Variants in RAB34 observed in about 807,000 individuals in gnomAD.
RAB34 encodes the protein ras-related protein Rab-34.
RAB34 carries 33 observed loss-of-function variants against 39.0 expected under a neutral mutation model. The observed-to-expected ratio is 0.85, with a 90% CI of 0.64 to 1.13. The LOEUF (loss-of-function observed/expected upper bound fraction) is 1.13, where lower values mean the gene tolerates loss of function less well. RAB34 is among the 50% of genes most tolerant of loss of function. RAB34 has a pLI of 0.00. For synonymous variants in RAB34, 135 were observed against 125.1 expected, an observed-to-expected ratio of 1.08 and a Z score of -0.53; for missense variants, 289 against 326.1, an observed-to-expected ratio of 0.89 and a Z score of 0.88.
intron 2 of RAB34, 127 bp from the exon 3 acceptor site, chr17:28,716,185 TCCCAGGCAG>T: frequency 7.4e-7 from 1 of 1,344,348 alleles, no homozygotes; most frequent in Non-Finnish European, 1.0e-6. Flanking sequence ...ACACCAGGCA[TCCCAGGCAG>T]CTGCGTGGAC....
At chr17:28,714,929 G>A (rs747425976) in intron 8 of RAB34, 29 bp from the exon 9 acceptor site, 70 of 1,603,962 alleles carry the variant, frequency 4.4e-5, no homozygotes, top group Non-Finnish European at 5.9e-5. Flanking sequence ...AGGTGCTCAG[G>A]GGCAGTGCTG....
chr17:28,716,202 G>A, intron 2 of RAB34, 144 bp from the exon 3 acceptor site: 1 of 1,119,446 alleles, frequency 8.9e-7, no homozygotes. Context: ...CAGCTGCGTG[G>A]ACAGGTGTGC....
chr17:28,715,798 A>G lies in RAB34; in HGVS notation c.314+2T>C, dbSNP rs1234638645. ...AGCTGGAAGGGGTGTGGAAGCACTC[A>G]CAGCTGCAAACTGAAGGGAATGCCC... On this transcript the variant is annotated splice_donor_variant, in intron 4 of 9. Coordinates refer to ENST00000395245, the MANE Select transcript of RAB34 (RefSeq NM_031934.6). LOFTEE classifies it high-confidence loss of function. 6.2e-7 allele frequency: 1 copy of G among 1,613,494 alleles called. No individual in the cohort carries two copies. The highest frequency in any genetic ancestry group is 8.5e-7 in the Non-Finnish European group (1 of 1,179,468).
At position 28,717,243 on chromosome 17, in the gene RAB34, C is replaced by T; in HGVS notation, c.24G>A (p.Arg8=). The change falls in exon 1 of 10, where the codon CGG becomes CGA. Residue 8 remains arginine (R), a synonymous_variant. Transcript: ENST00000395245. ...GCAGCTCCGCCAGGACGCGATCCCTCCGCACGGGTGCCAGAATGTTCATCC... is the reference window on the plus strand; with the variant it reads ...GCAGCTCCGCCAGGACGCGATCCCTTCGCACGGGTGCCAGAATGTTCATCC... MNILAPV[R]RDRVLAELPQ... The T allele has an allele frequency of 1.2e-6, 2 of 1,606,508 alleles. No individual in the cohort carries two copies. Among genetic ancestry groups the T allele is most frequent in the Non-Finnish European group, 1.7e-6 (2 of 1,178,734 alleles).
At chr17:28,715,357 T>C (rs1202443809) in intron 6 of RAB34, 81 bp from the exon 7 acceptor site, 4 of 1,584,832 alleles carry the variant, frequency 2.5e-6, no homozygotes, top group Non-Finnish European at 3.5e-6. Flanking sequence ...AATTACCCCC[T>C]CTCTGGTCCT....
chr17:28,716,813 TGAA>T, intron 2 of RAB34, 87 bp downstream of exon 2: 1 of 1,449,646 alleles, frequency 6.9e-7, no homozygotes, highest in South Asian at 1.3e-5. Flanking sequence ...GGGGCTGAAA[TGAA>T]GCCCCAAGGG....
Position 28,715,712 on chromosome 17 carries a change from G to A in RAB34, c.315-7C>T, listed in dbSNP as rs2151703725. 3.7e-6 allele frequency: 6 copies of A among 1,614,124 alleles called. No homozygotes were observed. The highest frequency in any genetic ancestry group is 5.1e-6 in the Non-Finnish European group (6 of 1,180,004). On this transcript the variant is annotated splice_region_variant and splice_polypyrimidine_tract_variant and intron_variant, in intron 4 of 9. Transcript: ENST00000395245. Reference sequence around the variant, plus strand: ...CTGCCCAGCGGTATCCCAACTGGAAGGAAGGAAGAGTGAAGCACAGGTATG... The same window carrying A: ...CTGCCCAGCGGTATCCCAACTGGAAAGAAGGAAGAGTGAAGCACAGGTATG...
upstream of RAB34, chr17:28,717,889 C>T (rs1319124066): frequency 1.5e-6 from 2 of 1,360,126 alleles, no homozygotes; most frequent in African/African-American, 1.5e-5. Context: ...CCGGAAATTC[C>T]TGGAGAAGGG....
chr17:28,718,279 C>T (rs1013494383), upstream of RAB34: 2 of 1,536,074 alleles, frequency 1.3e-6, no homozygotes, highest in Admixed American at 2.1e-5. Context: ...GAGTCTGCCC[C>T]CTCTCGCCCT....
rs141216782 is a variant in RAB34, at chr17:28,716,993, C to A, written c.56G>T (p.Cys19Phe). The A allele has an allele frequency of 1.1e-4, 176 of 1,613,294 alleles. No homozygotes were observed. The highest frequency in any genetic ancestry group is 1.7e-4 in the Middle Eastern group (1 of 5,816). ...RDRVLAELPQCLRKEAALHGH... is the reference protein window; with the variant it reads ...RDRVLAELPQFLRKEAALHGH... ...GTGCAAAGCGGCCTCCTTCCTCAGG[C>A]ACTTAGTGGGAAGGATGGAAGAGAA... The change falls in exon 2 of 10, where the codon TGC (cysteine) becomes TTC (phenylalanine). Residue 19 changes from cysteine (C) to phenylalanine (F), a missense_variant and splice_region_variant. Coordinates refer to ENST00000395245, the MANE Select transcript of RAB34 (RefSeq NM_031934.6).
chr17:28,715,866 G>A lies in RAB34; in HGVS notation c.248C>T (p.Ala83Val). The change falls in exon 4 of 10, where the codon GCC (alanine) becomes GTC (valine). Residue 83 changes from alanine (A) to valine (V), a missense_variant. Physicochemically the swap from Ala to Val is moderately conservative, Grantham distance 64. Coordinates refer to ENST00000395245, the MANE Select transcript of RAB34 (RefSeq NM_031934.6). ...CKDTFDKNYK[A>V]TIGVDFEMER... ...CATCTCGAAGTCCACTCCAATGGTG[G>A]CCTTGTAATTCTTATCAAAGGTGTC... The A allele has an allele frequency of 3.7e-6, 6 of 1,613,986 alleles. No homozygotes were observed. The highest frequency in any genetic ancestry group is 5.1e-6 in the Non-Finnish European group (6 of 1,179,964).
At chr17:28,717,104 C>A in intron 1 of RAB34, 109 bp downstream of exon 1, 1 of 1,545,162 alleles carries the variant, frequency 6.5e-7, no homozygotes, top group South Asian at 1.2e-5. Flanking sequence ...AGCACCAGGC[C>A]TAGCTGGGTG....
chr17:28,715,462 T>C lies in RAB34; in HGVS notation c.425A>G (p.His142Arg), dbSNP rs1166688570. ...FNLNDVASLE[H>R]TKQWLADALK... is the part of the protein sequence containing the mutation. ...TTGCAGGATGCTCACTTACTTGGTA[T>C]GTTCCAGAGATGCCACATCATTCAG... Residue 142 changes from histidine to arginine, a missense_variant, in exon 6 of 10, where the codon CAT becomes CGT. By Grantham distance (29) the His-to-Arg change is conservative (BLOSUM62 0). Transcript: ENST00000395245. The C allele has an allele frequency of 1.9e-6, 3 of 1,614,044 alleles. No homozygotes were observed. Among genetic ancestry groups the C allele is most frequent in the South Asian group, 2.2e-5 (2 of 91,082 alleles).
chr17:28,715,412 T>A (rs945589406), intron 6 of RAB34, 44 bp downstream of exon 6: 1 of 1,611,816 alleles, frequency 6.2e-7, no homozygotes, highest in Middle Eastern at 1.7e-4. Context: ...TTCTGAACCC[T>A]CTCTTCCCGG....
chr17:28,717,572 G>C lies in RAB34; in HGVS notation c.-306C>G, dbSNP rs1364447351. 9.6e-5 allele frequency: 136 copies of C among 1,419,426 alleles called. No homozygotes were observed. Among genetic ancestry groups the C allele is most frequent in the Non-Finnish European group, 1.2e-4 (131 of 1,090,428 alleles). 87.9% of individuals were successfully genotyped at this position (1,419,426 alleles called of 1,614,324 possible). A position where few individuals can be genotyped will look rare whatever the true frequency, so the allele number is the denominator to read the frequency against. ...TTGGGGGCGGGGAGTCCCGTCTGGT[G>C]GGGGCCGGGCCCGCGCAGACCCTAC... On this transcript the variant is annotated 5_prime_UTR_variant, in exon 1 of 10. Transcript: ENST00000395245.
At position 28,717,464 on chromosome 17, in the gene RAB34, C is replaced by A. The variant is rs11545700; in HGVS notation, c.-198G>T. The A allele has an allele frequency of 0.11, 159,078 of 1,449,758 alleles. 9,744 individuals are homozygous for A. Among genetic ancestry groups the A allele is most frequent in the Non-Finnish European group, 0.12 (137,291 of 1,102,782 alleles). 89.8% of individuals were successfully genotyped at this position (1,449,758 alleles called of 1,614,324 possible). A position where few individuals can be genotyped will look rare whatever the true frequency, so the allele number is the denominator to read the frequency against. On this transcript the variant is annotated 5_prime_UTR_variant, in exon 1 of 10. Coordinates refer to ENST00000395245, the MANE Select transcript of RAB34 (RefSeq NM_031934.6). ...GGGCCACGGAGATGAAACAATCACCCGGGGCCGCGGCGAGCCCAAAATCAC... is the reference window on the plus strand; with the variant it reads ...GGGCCACGGAGATGAAACAATCACCAGGGGCCGCGGCGAGCCCAAAATCAC...
rs770170403 is a variant in RAB34, at chr17:28,714,288, C to A, written c.*355G>T. ...CAAAGAACTCCAGCCCCAAAGTGCTCGTAACAAAGAAATTTTAATGCATAA... is the reference window on the plus strand; with the variant it reads ...CAAAGAACTCCAGCCCCAAAGTGCTAGTAACAAAGAAATTTTAATGCATAA... On this transcript the variant is annotated 3_prime_UTR_variant, in exon 10 of 10. Transcript: ENST00000395245. 4 of 519,144 alleles carry A rather than the reference C, an allele frequency of 7.7e-6. No individual in the cohort carries two copies. In the Admixed American group the frequency reaches 9.6e-5, roughly 12 times the overall value. The allele number at this position is 519,144 out of a possible 1,614,324, so 32.2% of individuals were successfully genotyped here. A position where few individuals can be genotyped will look rare whatever the true frequency, so the allele number is the denominator to read the frequency against.
At position 28,715,666 on chromosome 17, in the gene RAB34, T is replaced by C. The variant is rs116140366; in HGVS notation, c.354A>G (p.Ala118=). 1.2e-6 allele frequency: 2 copies of C among 1,614,138 alleles called. No individual in the cohort carries two copies. Among genetic ancestry groups the C allele is most frequent in the East Asian group, 4.5e-5 (2 of 44,892 alleles). ...TAGQERFKCI[A]STYYRGAQAI... ...CTTGAGCTCCTCTATAGTAGGTTGA[T>C]GCAATGCATTTGAACCTCTCCTGCC... Residue 118 remains alanine (A), a synonymous_variant, in exon 5 of 10, where the codon GCA becomes GCG. Transcript: ENST00000395245.
chr17:28,715,591 A>T (rs757937369), intron 5 of RAB34, 50 bp downstream of exon 5: 1 of 1,613,940 alleles, frequency 6.2e-7, no homozygotes, highest in Non-Finnish European at 8.5e-7. Flanking sequence ...CCATATGAGA[A>T]GCCATGTGCA....
Sources: gnomAD v4.1 joint callset for allele counts on GRCh38, gnomAD v4.1.1 for gene constraint, MANE v1.5 for transcripts, NCBI Gene and HGNC (gene_info 2026-07-23, HGNC 2026-07-21) for gene names.